TBC1D8: variants seen among roughly 807,000 people sequenced by gnomAD.
TBC1D8 encodes TBC1 domain family member 8.
In TBC1D8, 65 loss-of-function variants were observed where a neutral mutation model predicts 118.8. That is an observed-to-expected ratio of 0.55 (90% CI 0.45 to 0.67). The LOEUF (loss-of-function observed/expected upper bound fraction) is 0.67. Among genes scored for constraint, TBC1D8 ranks in the 30% least tolerant of loss-of-function variants. TBC1D8 has a pLI of 0.00. For synonymous variants in TBC1D8, 566 were observed against 595.8 expected (o/e 0.95, Z 0.73); for missense variants, 1,376 against 1,471.2 (o/e 0.94, Z 1.06).
intron 2 of TBC1D8, among the ~76,000 whole-genome samples, chr2:101,086,782 A>T (rs375235638): frequency 6.6e-6 from 1 of 152,194 alleles, no homozygotes; most frequent in South Asian, 2.1e-4. Context: ...TCGCAAAAAA[A>T]TTTCTTTTTT....
At chr2:101,018,485 G>A (rs907043242) in intron 17 of TBC1D8, among the ~76,000 whole-genome samples, 4 of 152,184 alleles carry the variant, frequency 2.6e-5, no homozygotes, top group Non-Finnish European at 5.9e-5. Flanking sequence ...ACTTGGTTAT[G>A]TATAAGACCT....
At chr2:101,010,123 A>G (rs1177166907) in intron 19 of TBC1D8, among the ~76,000 whole-genome samples, 1 of 152,110 alleles carries the variant, frequency 6.6e-6, no homozygotes, top group East Asian at 1.9e-4. Context: ...AAAAAGGAGC[A>G]TTTTTAACTT....
chr2:101,027,652 C>T (rs1385301662), intron 14 of TBC1D8, among the ~76,000 whole-genome samples: 2 of 152,182 alleles, frequency 1.3e-5, no homozygotes, highest in East Asian at 1.9e-4. Flanking sequence ...TTCCAGTTCA[C>T]ACATCAGTGC....
chr2:101,035,898 G>T, intron 9 of TBC1D8, 120 bp downstream of exon 9: 1 of 1,183,732 alleles, frequency 8.4e-7, no homozygotes, highest in Non-Finnish European at 1.2e-6. Context: ...GAAATCACAG[G>T]AATGACTCAA....
chr2:101,078,416 A>C (rs994897854), intron 2 of TBC1D8, among the ~76,000 whole-genome samples: 1 of 152,198 alleles, frequency 6.6e-6, no homozygotes, highest in Admixed American at 6.6e-5. Context: ...GAAGCCTAAG[A>C]ATGGACTGAG....
Position 101,061,469 on chromosome 2 carries a change from T to C in TBC1D8, c.284-1930A>G, listed in dbSNP as rs558638290. The stretch of plus-strand genomic sequence containing the variant: ...AAGGAATAATGAAAGTTTAAAACAG[T>C]GGTGCCTATTTTGTATTTCTTGGGC... On this transcript the variant is annotated intron_variant, in intron 2 of 19. Transcript: ENST00000409318. 2.0e-5 allele frequency among the ~76,000 whole-genome samples: 3 copies of C among 152,284 alleles called. No homozygotes were observed. The East Asian group carries it at 5.8e-4, about 29-fold the overall frequency.
At position 101,151,237 on chromosome 2, in the gene TBC1D8, T is replaced by C; in HGVS notation, c.17A>G (p.Glu6Gly). Reference protein sequence around the residue: MWLKPEEVLLKNALKL... With the variant: MWLKPGEVLLKNALKL... ...CAGCGCGTTCTTCAGCAGCACCTCC[T>C]CGGGCTTGAGCCACATCGCGGCGGT... Residue 6 changes from glutamate to glycine, a missense_variant, in exon 1 of 20, where the codon GAG (glutamate) becomes GGG (glycine). Physicochemically the swap from Glu to Gly is moderately conservative, Grantham distance 98. Transcript: ENST00000409318. 8.2e-7 allele frequency: 1 copy of C among 1,221,868 alleles called. No homozygotes were observed. The highest frequency in any genetic ancestry group is 1.0e-6 in the Non-Finnish European group (1 of 957,218). The allele number at this position is 1,221,868 out of a possible 1,614,324, so 75.7% of individuals were successfully genotyped here.
At chr2:101,049,080 G>C (rs1432960083) in intron 5 of TBC1D8, among the ~76,000 whole-genome samples, 2 of 152,190 alleles carry the variant, frequency 1.3e-5, no homozygotes, top group African/African-American at 4.8e-5. Context: ...CATACAAATA[G>C]CTCCGAGCCC....
At chr2:101,049,517 A>G (rs1184323178) in intron 5 of TBC1D8, among the ~76,000 whole-genome samples, 1 of 152,030 alleles carries the variant, frequency 6.6e-6, no homozygotes, top group Non-Finnish European at 1.5e-5. Flanking sequence ...ACATGTGGTC[A>G]GGAGTTCAAG....
In TBC1D8 at chr2:101,019,051, T is replaced by C. The variant is rs190156541; in HGVS notation, c.2827+2630A>G. ...CAAGAGCCCATAAAGGGAGCCCTCCTGGAAGTGGATGAGGCCTTGGGTCTC... is the reference window on the plus strand; with the variant it reads ...CAAGAGCCCATAAAGGGAGCCCTCCCGGAAGTGGATGAGGCCTTGGGTCTC... On this transcript the variant is annotated intron_variant, in intron 17 of 19. Coordinates refer to ENST00000409318, the MANE Select transcript of TBC1D8 (RefSeq NM_001330348.2). 7 of 1,609,554 alleles carry C rather than the reference T, an allele frequency of 4.3e-6. No homozygotes were observed. In the Admixed American group the frequency reaches 1.2e-4, roughly 27 times the overall value.
chr2:101,021,076 C>T (rs769756153), intron 17 of TBC1D8, among the ~76,000 whole-genome samples: 52 of 152,280 alleles, frequency 3.4e-4, no homozygotes, highest in Non-Finnish European at 4.9e-4. Context: ...CTACCAGCCT[C>T]CCCAGGCACC....
chr2:101,134,928 C>T (rs1678777539), intron 1 of TBC1D8, among the ~76,000 whole-genome samples: 1 of 152,230 alleles, frequency 6.6e-6, no homozygotes, highest in African/African-American at 2.4e-5. Flanking sequence ...AATCCCAGCA[C>T]TTTGGGAGGC....
rs747403009 is a variant in TBC1D8 at position 101,022,412 on chromosome 2, G to A, written c.2630C>T (p.Ala877Val). The change falls in exon 16 of 20, where the codon GCA becomes GTA. Residue 877 changes from alanine to valine, a missense_variant. Coordinates refer to ENST00000409318, the MANE Select transcript of TBC1D8 (RefSeq NM_001330348.2). ...GGGCGAGACTAGCTGAAACAGGTGT[G>A]CAAACTGCCGGGCATCTATGCGGTA... is the stretch of plus-strand genomic sequence containing the variant. ...EQYRIDARQF[A>V]HLFQLVSPWT... 2 of 1,613,102 alleles carry A rather than the reference G, an allele frequency of 1.2e-6. No homozygotes were observed. The highest frequency in any genetic ancestry group is 8.5e-7 in the Non-Finnish European group (1 of 1,179,574).
chr2:101,012,703 T>C (rs549893988), intron 17 of TBC1D8, among the ~76,000 whole-genome samples: 3 of 152,164 alleles, frequency 2.0e-5, no homozygotes, highest in Non-Finnish European at 4.4e-5. Context: ...TCAATAAAGC[T>C]GCTACAAAAT....
At chr2:101,067,674 T>A (rs72821084) in intron 2 of TBC1D8, among the ~76,000 whole-genome samples, 17,739 of 152,228 alleles carry the variant, frequency 0.12, 1,229 homozygotes, top group Non-Finnish European at 0.16. Flanking sequence ...TGCTGGAAGG[T>A]CTTGCCTTAA....
At chr2:101,009,912 CCCGGGTTCATGCCATTCTCCTGCCTCAG>C (rs979866790) in intron 19 of TBC1D8, among the ~76,000 whole-genome samples, 8 of 151,164 alleles carry the variant, frequency 5.3e-5, no homozygotes, top group African/African-American at 1.7e-4. Flanking sequence ...AGCTCCGCCT[CCCGGGTTCATGCCATTCTCCTGCCTCAG>C]CCTCCCGAGT....
At position 101,022,331 on chromosome 2, in the gene TBC1D8, T is replaced by C; in HGVS notation, c.2711A>G (p.Asp904Gly). ...CTCGATGAGCTGGTCCATGTTGTCATCCAAGAGCCTGAACGTCCTTTCGGC... is the reference window on the plus strand; with the variant it reads ...CTCGATGAGCTGGTCCATGTTGTCACCCAAGAGCCTGAACGTCCTTTCGGC... The part of the protein sequence containing the change: ...ILAERTFRLL[D>G]DNMDQLIEFK... The change falls in exon 16 of 20, where the codon GAT becomes GGT. Residue 904 changes from aspartate to glycine, a missense_variant. By Grantham distance (94) the Asp-to-Gly change is moderately conservative. Transcript: ENST00000409318. 6.2e-7 allele frequency: 1 copy of C among 1,612,720 alleles called. No homozygotes were observed. The highest frequency in any genetic ancestry group is 2.2e-5 in the East Asian group (1 of 44,874).
chr2:101,028,174 C>G (rs373308066), intron 13 of TBC1D8, 28 bp from the exon 14 acceptor site: 9 of 1,612,368 alleles, frequency 5.6e-6, no homozygotes, highest in Middle Eastern at 1.7e-4. Flanking sequence ...ACCACTTGCT[C>G]AGTCCCCTGC....
At chr2:101,083,629 A>C (rs887860966) in intron 2 of TBC1D8, among the ~76,000 whole-genome samples, 1 of 152,164 alleles carries the variant, frequency 6.6e-6, no homozygotes, top group Non-Finnish European at 1.5e-5. Flanking sequence ...CTTAGAAAAA[A>C]AGGAAAAAAA....
Sources: gnomAD v4.1 joint callset for allele counts (sites outside exome capture counted in the v4.1 genomes callset) on GRCh38, gnomAD v4.1.1 for gene constraint, MANE v1.5 for transcripts, NCBI Gene and HGNC (gene_info 2026-07-23, HGNC 2026-07-21) for gene names.